The following ARIH2 variants were observed in gnomAD, a reference collection of about 807,000 sequenced individuals.
ARIH2 encodes E3 ubiquitin-protein ligase ARIH2.
Under a neutral mutation model 79.8 loss-of-function variants are expected in ARIH2, and 12 were observed. The ratio of observed to expected loss-of-function variants is 0.15; its 90% CI spans 0.10 to 0.24. The LOEUF is 0.24. Among genes scored for constraint, ARIH2 ranks in the 10% least tolerant of loss-of-function variants. The pLI, the probability that ARIH2 is intolerant of heterozygous loss-of-function variation, is 1.00. For synonymous variants in ARIH2, 224 were observed against 213.9 expected, an observed-to-expected ratio of 1.05 and a Z score of -0.41; for missense variants, 301 against 618.3, an observed-to-expected ratio of 0.49 and a Z score of 5.44.
intron 3 of ARIH2, among the ~76,000 whole-genome samples, chr3:48,952,789 G>A (rs1043825494): frequency 6.6e-6 from 1 of 152,134 alleles, no homozygotes. Flanking sequence ...TCAAGAGGGG[G>A]TCATTAAGGC....
At position 48,975,910 on chromosome 3, in the gene ARIH2, C is replaced by T. The variant is rs564405532; in HGVS notation, c.961+931C>T. On this transcript the variant is annotated intron_variant, in intron 11 of 15. Transcript: ENST00000356401. Reference sequence around the variant, plus strand: ...CTATGCAAATGCTATTTCCAGGAACCCTCTTTTCTTTATTTTTTGAGACAG... The same window carrying T: ...CTATGCAAATGCTATTTCCAGGAACTCTCTTTTCTTTATTTTTTGAGACAG... Among the ~76,000 whole-genome samples the T allele has an allele frequency of 2.6e-4, 39 of 147,932 alleles. No homozygotes were observed. The Admixed American group carries it at 2.7e-3, about 10-fold the overall frequency.
At chr3:48,955,887 A>G (rs2090513163) in intron 3 of ARIH2, among the ~76,000 whole-genome samples, 1 of 152,270 alleles carries the variant, frequency 6.6e-6, no homozygotes, top group African/African-American at 2.4e-5. Context: ...ACTACCTTTT[A>G]GAATATATTA....
intron 2 of ARIH2, chr3:48,927,017 G>A (rs1240015534): frequency 6.4e-6 from 1 of 155,548 alleles, no homozygotes; most frequent in Non-Finnish European, 1.4e-5. Flanking sequence ...ATTACAGCAG[G>A]AAGTGTTCCT....
chr3:48,979,383 C>A (rs1254610756), intron 11 of ARIH2, 99 bp from the exon 12 acceptor site: 4 of 1,352,076 alleles, frequency 3.0e-6, no homozygotes, highest in Non-Finnish European at 4.1e-6. Context: ...GTTCAGGTGA[C>A]CCCTTTGGGA....
At position 48,973,765 on chromosome 3, in the gene ARIH2, G is replaced by A. The variant is rs780025273; in HGVS notation, c.837G>A (p.Lys279=). 1.9e-6 allele frequency: 3 copies of A among 1,614,144 alleles called. No homozygotes were observed. The highest frequency in any genetic ancestry group is 1.1e-5 in the South Asian group (1 of 91,084). The change falls in exon 9 of 16, where the codon AAG becomes AAA. Residue 279 remains lysine (K), a synonymous_variant. Transcript: ENST00000356401. ...CCACAATCCGGAAATGGCTCACGAAGTGTGCAGACGACTCTGAAACAGCCA... is the reference window on the plus strand; with the variant it reads ...CCACAATCCGGAAATGGCTCACGAAATGTGCAGACGACTCTGAAACAGCCA... ...DCATIRKWLT[K]CADDSETANY... is the part of the protein sequence containing the mutation.
At chr3:48,964,015 TTTTTTATTTTTA>T (rs1218630243) in intron 4 of ARIH2, among the ~76,000 whole-genome samples, 2 of 152,152 alleles carry the variant, frequency 1.3e-5, no homozygotes, top group African/African-American at 4.8e-5. Flanking sequence ...GCCAGTTATT[TTTTTTATTTTTA>T]TTTTTATTTT....
chr3:48,977,693 A>G (rs2092583402), intron 11 of ARIH2, among the ~76,000 whole-genome samples: 1 of 152,132 alleles, frequency 6.6e-6, no homozygotes, highest in Non-Finnish European at 1.5e-5. Flanking sequence ...TCCTGATCTC[A>G]TGATTAGCCC....
At chr3:48,940,688 G>A (rs1057199075) in intron 3 of ARIH2, among the ~76,000 whole-genome samples, 37 of 151,380 alleles carry the variant, frequency 2.4e-4, no homozygotes, top group Admixed American at 5.3e-4. Flanking sequence ...CTAGATACTC[G>A]GGAGGCTGAG....
chr3:48,943,028 C>G (rs2088562178), intron 3 of ARIH2, among the ~76,000 whole-genome samples: 1 of 152,132 alleles, frequency 6.6e-6, no homozygotes, highest in Non-Finnish European at 1.5e-5. Context: ...ATCCACCTGC[C>G]TCGGCCTCCC....
chr3:48,927,441 ATT>A lies in ARIH2; in HGVS notation c.-97-12_-97-11del. 5 of 1,179,074 alleles carry A rather than the reference ATT, an allele frequency of 4.2e-6. No individual in the cohort carries two copies. Among genetic ancestry groups the A allele is most frequent in the Admixed American group, 5.4e-5 (2 of 36,982 alleles). The allele number at this position is 1,179,074 out of a possible 1,614,324, so 73.0% of individuals were successfully genotyped here. A position where few individuals can be genotyped will look rare whatever the true frequency, so the allele number is the denominator to read the frequency against. On this transcript the variant is annotated intron_variant, in intron 2 of 15. Coordinates refer to ENST00000356401, the MANE Select transcript of ARIH2 (RefSeq NM_006321.4). ...TTGTCATGGGGAAAAAGTAACACTT[ATT>A]TTTTTTTTCCTCCCTTAGAAGACAA...
intron 3 of ARIH2, among the ~76,000 whole-genome samples, chr3:48,953,090 C>T (rs558723343): frequency 3.9e-5 from 6 of 152,078 alleles, no homozygotes; most frequent in South Asian, 2.1e-4. Context: ...CCACTATGCC[C>T]GGCTAATTTT....
intron 1 of ARIH2, chr3:48,919,520 C>T (rs1408365061): frequency 5.0e-6 from 1 of 201,060 alleles, no homozygotes; most frequent in Non-Finnish European, 9.9e-6. Context: ...TGGATGACTT[C>T]TCCTTAGTAC....
chr3:48,966,431 G>C (rs1215415456), intron 5 of ARIH2, among the ~76,000 whole-genome samples: 3 of 152,134 alleles, frequency 2.0e-5, no homozygotes, highest in African/African-American at 7.2e-5. Context: ...AGTTTGTGTA[G>C]CATGATGTGG....
At chr3:48,954,825 T>G (rs1310374547) in intron 3 of ARIH2, among the ~76,000 whole-genome samples, 1 of 152,244 alleles carries the variant, frequency 6.6e-6, no homozygotes, top group African/African-American at 2.4e-5. Flanking sequence ...GTAATTATCT[T>G]GAGACTCCTT....
intron 13 of ARIH2, 53 bp from the exon 14 acceptor site, chr3:48,981,607 G>T: frequency 6.9e-7 from 1 of 1,447,616 alleles, no homozygotes; most frequent in Non-Finnish European, 9.7e-7. Flanking sequence ...CACCTGAGAT[G>T]CAGGTAGCTT....
At position 48,975,316 on chromosome 3, in the gene ARIH2, G is replaced by A. The variant is rs553863255; in HGVS notation, c.961+337G>A. On this transcript the variant is annotated intron_variant, in intron 11 of 15. Coordinates refer to ENST00000356401, the MANE Select transcript of ARIH2 (RefSeq NM_006321.4). ...GTAGCTTGGGGCTTATCTGTGCTACGTTGTAGATACCTTTACCAGAAGTAG... is the reference window on the plus strand; with the variant it reads ...GTAGCTTGGGGCTTATCTGTGCTACATTGTAGATACCTTTACCAGAAGTAG... Among the ~76,000 whole-genome samples the A allele has an allele frequency of 9.2e-5, 14 of 152,282 alleles. No individual in the cohort carries two copies. The East Asian group carries it at 2.5e-3, about 27-fold the overall frequency.
chr3:48,977,372 C>T (rs898220181), intron 11 of ARIH2, among the ~76,000 whole-genome samples: 1 of 151,926 alleles, frequency 6.6e-6, no homozygotes, highest in Non-Finnish European at 1.5e-5. Context: ...GTGGTGCGAT[C>T]TCGGCTCACT....
At chr3:48,947,637 C>T (rs917539681) in intron 3 of ARIH2, among the ~76,000 whole-genome samples, 4 of 152,084 alleles carry the variant, frequency 2.6e-5, no homozygotes, top group African/African-American at 9.7e-5. Flanking sequence ...AATAAAAAGT[C>T]AAAGTATACT....
rs553703744 is a variant in ARIH2 at position 48,926,290 on chromosome 3, G to A, written c.-97-1172G>A. Among the ~76,000 whole-genome samples the A allele has an allele frequency of 7.3e-5, 11 of 151,222 alleles. No individual in the cohort carries two copies. The South Asian group carries it at 1.7e-3, about 23-fold the overall frequency. ...GTATGTGTGTACGTGTGTGTGTGACGGAGTTTCGCTTTTATTGCCCAGGCT... is the reference window on the plus strand; with the variant it reads ...GTATGTGTGTACGTGTGTGTGTGACAGAGTTTCGCTTTTATTGCCCAGGCT... On this transcript the variant is annotated intron_variant, in intron 2 of 15. Transcript: ENST00000356401.
Sources: allele counts gnomAD v4.1 joint callset (sites outside exome capture counted in the v4.1 genomes callset), GRCh38; gene constraint gnomAD v4.1.1; transcripts MANE v1.5; gene names NCBI Gene and HGNC (gene_info 2026-07-23, HGNC 2026-07-21).